KHDRBS2: variants seen among roughly 807,000 people sequenced by gnomAD.
The protein encoded by KHDRBS2 is KH domain-containing, RNA-binding, signal transduction-associated protein 2.
In KHDRBS2, 26 loss-of-function variants were observed where a neutral mutation model predicts 44.3. The observed-to-expected ratio is 0.59, with a 90% CI of 0.43 to 0.81. KHDRBS2 has a LOEUF of 0.81. KHDRBS2 is among the 40% of genes least tolerant of loss of function. The probability of loss-of-function intolerance (pLI) is 0.00; values close to 1 mark genes in which losing one functional copy is unlikely to be tolerated. For missense variants in KHDRBS2, 476 were observed against 433.1 expected (o/e 1.10, Z -0.88); for synonymous variants, 194 against 151.1 (o/e 1.28, Z -2.08).
chr6:62,074,284 C>T (rs1795896789), intron 2 of KHDRBS2, among the ~76,000 whole-genome samples: 1 of 151,840 alleles, frequency 6.6e-6, no homozygotes, highest in Non-Finnish European at 1.5e-5. Context: ...CTGTGTTAAG[C>T]CACTACATTT....
At chr6:62,243,505 C>T (rs937849499) in intron 1 of KHDRBS2, among the ~76,000 whole-genome samples, 3 of 151,614 alleles carry the variant, frequency 2.0e-5, no homozygotes, top group Non-Finnish European at 2.9e-5. Context: ...TTAAGATGCC[C>T]ACCCTCAAAG....
the KHDRBS2 span, among the ~76,000 whole-genome samples, chr6:61,612,251 GAAT>G: frequency 6.6e-6 from 1 of 152,042 alleles, no homozygotes; most frequent in Non-Finnish European, 1.5e-5. Flanking sequence ...TAGATCCTCA[GAAT>G]TGCATATTAT....
rs866151004 is a variant in KHDRBS2 at position 61,807,835 on chromosome 6, A to G, written c.811-75071T>C. Among the ~76,000 whole-genome samples, 3 of 152,130 alleles carry G rather than the reference A, an allele frequency of 2.0e-5. No homozygotes were observed. The South Asian group carries it at 6.2e-4, about 31-fold the overall frequency. ...CCTGAACCTAAAAGTTAAAATAAAAATAATAATAATAAAGAAATCATATGG... is the reference window on the plus strand; with the variant it reads ...CCTGAACCTAAAAGTTAAAATAAAAGTAATAATAATAAAGAAATCATATGG... On this transcript the variant is annotated intron_variant, in intron 6 of 8. Transcript: ENST00000281156.
chr6:61,670,090 T>G, the KHDRBS2 span, among the ~76,000 whole-genome samples: 1 of 151,372 alleles, frequency 6.6e-6, no homozygotes, highest in Non-Finnish European at 1.5e-5. Context: ...GGAGTAGGAT[T>G]ATACATTTCT....
chr6:62,108,285 G>C (rs1804022124), intron 2 of KHDRBS2, among the ~76,000 whole-genome samples: 1 of 152,060 alleles, frequency 6.6e-6, no homozygotes, highest in Non-Finnish European at 1.5e-5. Context: ...GTGGGCGAAG[G>C]ACATGAACAG....
At chr6:62,161,767 T>C (rs1029571730) in intron 2 of KHDRBS2, among the ~76,000 whole-genome samples, 2 of 152,088 alleles carry the variant, frequency 1.3e-5, no homozygotes, top group East Asian at 1.9e-4. Flanking sequence ...TTTAAATTCC[T>C]TTCACATTTC....
chr6:62,124,171 T>G (rs1436534556), intron 2 of KHDRBS2, among the ~76,000 whole-genome samples: 1 of 152,196 alleles, frequency 6.6e-6, no homozygotes, highest in African/African-American at 2.4e-5. Flanking sequence ...CTTCCTACTC[T>G]TGCCTGAGAG....
At chr6:61,984,022 A>T (rs1275172227) in intron 3 of KHDRBS2, among the ~76,000 whole-genome samples, 1 of 152,194 alleles carries the variant, frequency 6.6e-6, no homozygotes, top group Non-Finnish European at 1.5e-5. Flanking sequence ...CTTTCCCAGA[A>T]TCCTGTAACA....
intron 6 of KHDRBS2, among the ~76,000 whole-genome samples, chr6:61,749,788 TG>T (rs1440992491): frequency 6.6e-6 from 1 of 152,176 alleles, no homozygotes; most frequent in Non-Finnish European, 1.5e-5. Context: ...GCAATCAGCC[TG>T]GGGACATGAA....
At chr6:61,843,222 G>A (rs766285100) in intron 6 of KHDRBS2, among the ~76,000 whole-genome samples, 8 of 151,882 alleles carry the variant, frequency 5.3e-5, no homozygotes, top group Non-Finnish European at 7.4e-5. Flanking sequence ...GTATCTTTTC[G>A]AAGTGATAAA....
chr6:62,125,759 C>T (rs1808812769), intron 2 of KHDRBS2, among the ~76,000 whole-genome samples: 1 of 152,076 alleles, frequency 6.6e-6, no homozygotes, highest in South Asian at 2.1e-4. Context: ...GAACCTGCTA[C>T]CTTGAGAGGA....
chr6:62,112,600 A>G (rs1291243255), intron 2 of KHDRBS2, among the ~76,000 whole-genome samples: 2 of 152,180 alleles, frequency 1.3e-5, no homozygotes, highest in African/African-American at 4.8e-5. Flanking sequence ...AGTCAACTAC[A>G]TAATATGAGA....
At chr6:61,916,001 A>G (rs1335651638) in intron 4 of KHDRBS2, among the ~76,000 whole-genome samples, 1 of 152,028 alleles carries the variant, frequency 6.6e-6, no homozygotes, top group Non-Finnish European at 1.5e-5. Flanking sequence ...CAGGTAATTT[A>G]TAAATTAAAT....
At chr6:62,079,628 G>T (rs865920940) in intron 2 of KHDRBS2, among the ~76,000 whole-genome samples, 4 of 152,006 alleles carry the variant, frequency 2.6e-5, no homozygotes, top group Middle Eastern at 6.8e-3. Context: ...AATCCAACCT[G>T]TTTCAAATAT....
the KHDRBS2 span, among the ~76,000 whole-genome samples, chr6:61,604,820 A>G: frequency 6.6e-6 from 1 of 152,128 alleles, no homozygotes; most frequent in East Asian, 1.9e-4. Flanking sequence ...GGCCTATCCC[A>G]CAGGGTCTGA....
intron 7 of KHDRBS2, among the ~76,000 whole-genome samples, chr6:61,706,953 CA>C (rs386701899): frequency 9.3e-6 from 1 of 107,544 alleles, no homozygotes; most frequent in South Asian, 2.5e-4. Context: ...AAAACAAAAA[CA>C]AAAACAAAAC....
At chr6:61,904,204 A>G (rs1380353573) in intron 4 of KHDRBS2, among the ~76,000 whole-genome samples, 1 of 151,974 alleles carries the variant, frequency 6.6e-6, no homozygotes, top group Non-Finnish European at 1.5e-5. Flanking sequence ...TTGGAGGTGA[A>G]TATATCCGAA....
chr6:61,931,673 TACA>T (rs1165268548), intron 4 of KHDRBS2, among the ~76,000 whole-genome samples: 1 of 152,200 alleles, frequency 6.6e-6, no homozygotes, highest in Non-Finnish European at 1.5e-5. Flanking sequence ...TTTTACTGTG[TACA>T]ACATGATGTT....
intron 3 of KHDRBS2, among the ~76,000 whole-genome samples, chr6:61,985,375 G>C (rs17456614): frequency 0.035 from 5,300 of 152,086 alleles, 138 homozygotes; most frequent in African/African-American, 0.055. Flanking sequence ...CTTTTCTGTA[G>C]AGATTCTTAT....
Sources: gnomAD v4.1 joint callset for allele counts (sites outside exome capture counted in the v4.1 genomes callset) on GRCh38, gnomAD v4.1.1 for gene constraint, MANE v1.5 for transcripts, NCBI Gene and HGNC (gene_info 2026-07-23, HGNC 2026-07-21) for gene names.